The following TAFA4 variants were observed in gnomAD, a reference collection of about 807,000 sequenced individuals.
TAFA4 encodes chemokine-like protein TAFA-4.
A neutral mutation model predicts 21.1 loss-of-function variants in TAFA4; 20 were observed. That is an observed-to-expected ratio of 0.95 (90% CI 0.67 to 1.38). The LOEUF (loss-of-function observed/expected upper bound fraction) is 1.38, where lower values mean the gene tolerates loss of function less well. TAFA4 is among the 40% of genes most tolerant of loss of function. The probability of loss-of-function intolerance (pLI) is 0.00; values close to 1 mark genes in which losing one functional copy is unlikely to be tolerated. For synonymous variants in TAFA4, 71 were observed against 67.4 expected, an observed-to-expected ratio of 1.05 and a Z score of -0.26; for missense variants, 211 against 180.9, an observed-to-expected ratio of 1.17 and a Z score of -0.95.
intron 3 of TAFA4, among the ~76,000 whole-genome samples, chr3:68,853,362 A>T (rs1465209134): frequency 6.6e-6 from 1 of 152,098 alleles, no homozygotes; most frequent in East Asian, 1.9e-4. Context: ...TTACCTTCAA[A>T]TCTATTTTAA....
At chr3:68,746,584 A>T (rs1702461954) in intron 4 of TAFA4, among the ~76,000 whole-genome samples, 1 of 152,174 alleles carries the variant, frequency 6.6e-6, no homozygotes, top group Non-Finnish European at 1.5e-5. Context: ...TAACTTTTAT[A>T]TTTCTTGTTA....
chr3:68,878,017 C>T (rs912686921), intron 3 of TAFA4, among the ~76,000 whole-genome samples: 6 of 152,198 alleles, frequency 3.9e-5, no homozygotes, highest in African/African-American at 9.7e-5. Flanking sequence ...TAAGGCCACA[C>T]AGCCAGGATG....
intron 3 of TAFA4, among the ~76,000 whole-genome samples, chr3:68,872,162 C>T (rs2089490273): frequency 6.6e-6 from 1 of 151,884 alleles, no homozygotes; most frequent in African/African-American, 2.4e-5. Context: ...GTGTCCATCA[C>T]TGGATGAATG....
intron 1 of TAFA4, among the ~76,000 whole-genome samples, chr3:68,929,536 CAT>C (rs1243651636): frequency 1.3e-5 from 2 of 152,320 alleles, no homozygotes; most frequent in Admixed American, 6.5e-5. Flanking sequence ...GAAATGAACT[CAT>C]GTACTCAAAT....
intron 3 of TAFA4, among the ~76,000 whole-genome samples, chr3:68,844,762 A>T (rs1026960000): frequency 1.3e-5 from 2 of 152,076 alleles, no homozygotes; most frequent in Non-Finnish European, 2.9e-5. Context: ...TTTCTGCCTT[A>T]ATTTTGTTAT....
At chr3:68,850,760 T>G (rs1174759174) in intron 3 of TAFA4, among the ~76,000 whole-genome samples, 1 of 152,124 alleles carries the variant, frequency 6.6e-6, no homozygotes, top group Non-Finnish European at 1.5e-5. Context: ...TTATTTAAGT[T>G]CCTTGTAGAT....
chr3:68,899,010 A>G (rs536521406), intron 1 of TAFA4, among the ~76,000 whole-genome samples: 5 of 152,292 alleles, frequency 3.3e-5, no homozygotes, highest in Admixed American at 1.3e-4. Context: ...AGAAAGCCCA[A>G]CTCAGAGTAT....
chr3:68,757,676 T>C (rs111985431), intron 3 of TAFA4, among the ~76,000 whole-genome samples: 287 of 152,342 alleles, frequency 1.9e-3, no homozygotes, highest in African/African-American at 6.6e-3. Flanking sequence ...TGGGCCACAG[T>C]GCCCTGAATT....
intron 3 of TAFA4, among the ~76,000 whole-genome samples, chr3:68,855,398 T>C (rs947238329): frequency 3.3e-5 from 5 of 152,142 alleles, no homozygotes; most frequent in African/African-American, 1.2e-4. Context: ...AACTTTTCAT[T>C]TAATTCCACA....
intron 3 of TAFA4, among the ~76,000 whole-genome samples, chr3:68,792,510 A>T (rs1316426944): frequency 6.6e-6 from 1 of 152,146 alleles, no homozygotes; most frequent in Non-Finnish European, 1.5e-5. Flanking sequence ...CACAGTAGAC[A>T]AAAAAAGAAG....
At chr3:68,877,624 A>C (rs1336188643) in intron 3 of TAFA4, among the ~76,000 whole-genome samples, 2 of 152,196 alleles carry the variant, frequency 1.3e-5, no homozygotes, top group Admixed American at 6.5e-5. Flanking sequence ...CAGCTTGTTG[A>C]AGCCTTTCTC....
chr3:68,905,276 TCTC>T (rs1356610308), intron 1 of TAFA4, among the ~76,000 whole-genome samples: 2 of 151,070 alleles, frequency 1.3e-5, no homozygotes, highest in African/African-American at 4.9e-5. Context: ...TTAAAGCAAT[TCTC>T]CTGCCTCAGC....
rs114008861 is a variant in TAFA4 at position 68,928,826 on chromosome 3, T to G, written c.-123+3414A>C. On this transcript the variant is annotated intron_variant, in intron 1 of 5. Transcript: ENST00000295569. ...AGTGCACTGGGCTAGGAATTAGGAC[T>G]CCGGGATTCTAATCCCAGGTTTTTT... Among the ~76,000 whole-genome samples the G allele has an allele frequency of 6.6e-3, 1,010 of 152,260 alleles. 17 individuals are homozygous for G. The highest frequency in any genetic ancestry group is 0.023 in the African/African-American group (942 of 41,544).
At position 68,739,106 on chromosome 3, in the gene TAFA4, C is replaced by G; in HGVS notation, c.380G>C (p.Cys127Ser). 6.2e-7 allele frequency: 1 copy of G among 1,613,950 alleles called. No homozygotes were observed. The highest frequency in any genetic ancestry group is 2.2e-5 in the East Asian group (1 of 44,878). ...KVLPDYSGWS[C>S]SSGNKVKTTK... ...AGTTTTGACTTTATTGCCACTGCTA[C>G]AGGACCAACCTGAGTAATCTGGCAG... is the stretch of plus-strand genomic sequence containing the variant. Residue 127 changes from cysteine to serine, a missense_variant, in exon 5 of 6, where the codon TGT becomes TCT. By Grantham distance (112) the Cys-to-Ser change is moderately radical. Transcript: ENST00000295569.
At chr3:68,892,077 G>T (rs1404939132) in intron 1 of TAFA4, among the ~76,000 whole-genome samples, 1 of 152,120 alleles carries the variant, frequency 6.6e-6, no homozygotes, top group African/African-American at 2.4e-5. Context: ...TATATTTCAA[G>T]CACCTGATAC....
chr3:68,918,712 G>T (rs2090028951), intron 1 of TAFA4, among the ~76,000 whole-genome samples: 1 of 152,030 alleles, frequency 6.6e-6, no homozygotes, highest in African/African-American at 2.4e-5. Context: ...CTTAATTTTT[G>T]TATTTTTTTG....
intron 3 of TAFA4, among the ~76,000 whole-genome samples, chr3:68,853,291 A>T (rs922404012): frequency 6.6e-6 from 1 of 152,188 alleles, no homozygotes; most frequent in Non-Finnish European, 1.5e-5. Context: ...GTTAATAGAC[A>T]TGAGTCAGTT....
chr3:68,809,038 A>G (rs762379979), intron 3 of TAFA4, among the ~76,000 whole-genome samples: 1 of 152,228 alleles, frequency 6.6e-6, no homozygotes, highest in Non-Finnish European at 1.5e-5. Flanking sequence ...ACATGATCAA[A>G]CATGTCAATG....
chr3:68,905,798 C>T (rs1424278284), intron 1 of TAFA4, among the ~76,000 whole-genome samples: 3 of 152,154 alleles, frequency 2.0e-5, no homozygotes, highest in Non-Finnish European at 4.4e-5. Flanking sequence ...AGGGGGTAAA[C>T]GTACCATGGA....
Sources: allele counts gnomAD v4.1 joint callset (sites outside exome capture counted in the v4.1 genomes callset), GRCh38; gene constraint gnomAD v4.1.1; transcripts MANE v1.5; gene names NCBI Gene and HGNC (gene_info 2026-07-23, HGNC 2026-07-21).